PCDH9: variants seen among roughly 807,000 people sequenced by gnomAD.
PCDH9 encodes the protein protocadherin 9.
In PCDH9, 24 loss-of-function variants were observed where a neutral mutation model predicts 70.6. The ratio of observed to expected loss-of-function variants is 0.34; its 90% CI spans 0.25 to 0.48. The LOEUF (loss-of-function observed/expected upper bound fraction) is 0.48. Among genes scored for constraint, PCDH9 ranks in the 20% least tolerant of loss-of-function variants. PCDH9 has a pLI of 0.99. For missense variants in PCDH9, 1,281 were observed against 1,503.6 expected, an observed-to-expected ratio of 0.85 and a Z score of 2.45; for synonymous variants, 562 against 558.5, an observed-to-expected ratio of 1.01 and a Z score of -0.09.
Position 67,008,115 on chromosome 13 carries a change from A to G in PCDH9, c.3037-104510T>C, listed in dbSNP as rs374367191. 3.9e-5 allele frequency among the ~76,000 whole-genome samples: 6 copies of G among 152,254 alleles called. No homozygotes were observed. The East Asian group carries it at 7.7e-4, about 20-fold the overall frequency. On this transcript the variant is annotated intron_variant, in intron 2 of 4. Transcript: ENST00000377865. ...GTCAGATACAGTTGCATAGATTTGGAATAAGAGAATAAGAAAAAACATAAT... is the reference window on the plus strand; with the variant it reads ...GTCAGATACAGTTGCATAGATTTGGGATAAGAGAATAAGAAAAAACATAAT...
At chr13:66,819,459 A>G (rs2139377592) in intron 3 of PCDH9, among the ~76,000 whole-genome samples, 1 of 152,304 alleles carries the variant, frequency 6.6e-6, no homozygotes, top group Non-Finnish European at 1.5e-5. Flanking sequence ...AGTTGGGGAT[A>G]ATGACTTTTA....
intron 4 of PCDH9, among the ~76,000 whole-genome samples, chr13:66,386,120 C>T (rs764275562): frequency 6.6e-6 from 1 of 151,984 alleles, no homozygotes; most frequent in Non-Finnish European, 1.5e-5. Flanking sequence ...AGTGATGTTG[C>T]ATATTATCCG....
intron 4 of PCDH9, among the ~76,000 whole-genome samples, chr13:66,470,762 T>C (rs1958603620): frequency 6.6e-6 from 1 of 151,456 alleles, no homozygotes; most frequent in Admixed American, 6.6e-5. Context: ...ACATAAGAAT[T>C]AGCACTAAGG....
chr13:66,693,151 T>C (rs2078512031), intron 3 of PCDH9, among the ~76,000 whole-genome samples: 1 of 152,128 alleles, frequency 6.6e-6, no homozygotes, highest in East Asian at 1.9e-4. Context: ...CTTGTCAAAA[T>C]GCATTACTCT....
chr13:66,700,285 G>C (rs961320427), intron 3 of PCDH9, among the ~76,000 whole-genome samples: 2 of 152,066 alleles, frequency 1.3e-5, no homozygotes, highest in African/African-American at 2.4e-5. Context: ...CCATTCTCTC[G>C]GCAGATTGTT....
chr13:66,742,445 T>A (rs1352603408), intron 3 of PCDH9, among the ~76,000 whole-genome samples: 11 of 138,968 alleles, frequency 7.9e-5, no homozygotes, highest in African/African-American at 2.8e-4. Flanking sequence ...AAGGACTTCA[T>A]GTCCAAAACA....
At chr13:66,770,991 C>T (rs17415806) in intron 3 of PCDH9, among the ~76,000 whole-genome samples, 4,774 of 152,318 alleles carry the variant, frequency 0.031, 115 homozygotes, top group Non-Finnish European at 0.045. Context: ...TTAAATGTCA[C>T]ATTTTGGTAC....
At chr13:66,848,656 C>T (rs968684655) in intron 3 of PCDH9, among the ~76,000 whole-genome samples, 1 of 151,894 alleles carries the variant, frequency 6.6e-6, no homozygotes, top group Non-Finnish European at 1.5e-5. Flanking sequence ...CGGCCGGGCG[C>T]GGTGGCTTAC....
chr13:66,517,756 C>T (rs1959805764), intron 4 of PCDH9, among the ~76,000 whole-genome samples: 1 of 152,114 alleles, frequency 6.6e-6, no homozygotes, highest in South Asian at 2.1e-4. Flanking sequence ...CTGTCATGTA[C>T]TCCATACTTT....
intron 2 of PCDH9, among the ~76,000 whole-genome samples, chr13:67,189,207 C>CAT (rs71211559): frequency 6.7e-6 from 1 of 149,494 alleles, no homozygotes; most frequent in African/African-American, 2.5e-5. Context: ...TACATATATA[C>CAT]GTGTGTGTGT....
At chr13:66,541,507 G>T (rs1324567263) in intron 4 of PCDH9, among the ~76,000 whole-genome samples, 1 of 152,086 alleles carries the variant, frequency 6.6e-6, no homozygotes, top group African/African-American at 2.4e-5. Context: ...TCTTTTAATT[G>T]TCGGTGGTTT....
intron 2 of PCDH9, among the ~76,000 whole-genome samples, chr13:67,040,203 G>A (rs968619095): frequency 2.0e-5 from 3 of 152,130 alleles, no homozygotes; most frequent in African/African-American, 7.2e-5. Context: ...CCCCCCAGAC[G>A]TTATATGTTG....
intron 3 of PCDH9, among the ~76,000 whole-genome samples, chr13:66,684,906 G>A (rs1306729828): frequency 6.6e-6 from 1 of 152,112 alleles, no homozygotes; most frequent in Non-Finnish European, 1.5e-5. Flanking sequence ...CTAGAGACTT[G>A]TTGAATGCAA....
intron 4 of PCDH9, among the ~76,000 whole-genome samples, chr13:66,584,772 T>C (rs1167948052): frequency 2.0e-5 from 3 of 152,084 alleles, no homozygotes; most frequent in Non-Finnish European, 2.9e-5. Flanking sequence ...GAATGAAATA[T>C]AGTTACTGGC....
At chr13:66,568,847 AG>A (rs746491748) in intron 4 of PCDH9, among the ~76,000 whole-genome samples, 4 of 151,808 alleles carry the variant, frequency 2.6e-5, no homozygotes, top group Non-Finnish European at 5.9e-5. Flanking sequence ...GAAGGTGAAA[AG>A]TAATGGAAGT....
chr13:66,640,787 GA>G (rs2077698822), intron 3 of PCDH9, among the ~76,000 whole-genome samples: 5 of 152,126 alleles, frequency 3.3e-5, no homozygotes, highest in Admixed American at 1.3e-4. Flanking sequence ...GCTCATGACG[GA>G]TTGTTAATTT....
intron 3 of PCDH9, among the ~76,000 whole-genome samples, chr13:66,825,545 C>T (rs2139392929): frequency 6.6e-6 from 1 of 151,484 alleles, no homozygotes; most frequent in Admixed American, 6.6e-5. Flanking sequence ...CCGTGTTAGC[C>T]AGGATGGTCT....
At chr13:66,822,351 T>G (rs893413192) in intron 3 of PCDH9, among the ~76,000 whole-genome samples, 1 of 152,132 alleles carries the variant, frequency 6.6e-6, no homozygotes, top group Non-Finnish European at 1.5e-5. Context: ...ACACGTTTTA[T>G]GGATTACCAA....
intron 3 of PCDH9, among the ~76,000 whole-genome samples, chr13:66,649,623 C>G (rs1264083442): frequency 6.8e-6 from 1 of 147,206 alleles, no homozygotes; most frequent in Non-Finnish European, 1.5e-5. Context: ...TCTGAAGATA[C>G]AAAACTTACT....
Sources: allele counts gnomAD v4.1 joint callset (sites outside exome capture counted in the v4.1 genomes callset), GRCh38; gene constraint gnomAD v4.1.1; transcripts MANE v1.5; gene names NCBI Gene and HGNC (gene_info 2026-07-23, HGNC 2026-07-21).